GPC5: variants seen among roughly 807,000 people sequenced by gnomAD.
GPC5 encodes the protein glypican 5.
Under a neutral mutation model 53.9 loss-of-function variants are expected in GPC5, and 47 were observed. The ratio of observed to expected loss-of-function variants is 0.87; its 90% CI spans 0.69 to 1.11. GPC5 has a LOEUF of 1.11. GPC5 is among the 50% of genes most tolerant of loss of function. The pLI, the probability that GPC5 is intolerant of heterozygous loss-of-function variation, is 0.00. For synonymous variants in GPC5, 286 were observed against 263.3 expected, an observed-to-expected ratio of 1.09 and a Z score of -0.84; for missense variants, 748 against 713.1, an observed-to-expected ratio of 1.05 and a Z score of -0.56.
intron 7 of GPC5, among the ~76,000 whole-genome samples, chr13:92,443,258 G>A (rs937028948): frequency 1.3e-5 from 2 of 152,178 alleles, no homozygotes; most frequent in Non-Finnish European, 2.9e-5. Context: ...ATGGCACAAA[G>A]CCATCCATGA....
intron 5 of GPC5, among the ~76,000 whole-genome samples, chr13:91,846,913 A>G (rs1039816919): frequency 2.0e-5 from 3 of 152,040 alleles, no homozygotes; most frequent in African/African-American, 2.4e-5. Context: ...ATGTATTATA[A>G]TTTTGTGCAA....
intron 6 of GPC5, among the ~76,000 whole-genome samples, chr13:92,018,038 G>A (rs2040723533): frequency 6.6e-6 from 1 of 151,730 alleles, no homozygotes; most frequent in Non-Finnish European, 1.5e-5. Flanking sequence ...ACACACACAA[G>A]CTTCCACAAA....
At chr13:92,708,635 T>C (rs1002449833) in intron 7 of GPC5, among the ~76,000 whole-genome samples, 5 of 152,034 alleles carry the variant, frequency 3.3e-5, no homozygotes, top group Admixed American at 3.3e-4. Flanking sequence ...GAGTGAAAGT[T>C]TGATAGTAGG....
chr13:92,522,624 G>A (rs1346940875), intron 7 of GPC5, among the ~76,000 whole-genome samples: 1 of 152,068 alleles, frequency 6.6e-6, no homozygotes, highest in Non-Finnish European at 1.5e-5. Context: ...GTTGTGGGGT[G>A]GGGGAAGGGG....
At chr13:92,081,665 A>G (rs1300425361) in intron 6 of GPC5, among the ~76,000 whole-genome samples, 1 of 152,216 alleles carries the variant, frequency 6.6e-6, no homozygotes, top group Admixed American at 6.5e-5. Context: ...TTATATCCCT[A>G]CACAGAATAT....
chr13:91,572,108 C>CATATGTATATAT, intron 2 of GPC5, among the ~76,000 whole-genome samples: 2 of 124,500 alleles, frequency 1.6e-5, no homozygotes, highest in African/African-American at 6.1e-5. Context: ...TGTATATACA[C>CATATGTATATAT]ACATGTATAT....
chr13:91,619,027 C>A (rs761429556), intron 2 of GPC5, among the ~76,000 whole-genome samples: 12 of 152,016 alleles, frequency 7.9e-5, no homozygotes, highest in Non-Finnish European at 1.6e-4. Flanking sequence ...ATTTGGCATT[C>A]TTTTCCTAGT....
intron 6 of GPC5, among the ~76,000 whole-genome samples, chr13:92,096,196 T>C (rs1482130829): frequency 1.3e-5 from 2 of 152,196 alleles, no homozygotes; most frequent in East Asian, 3.9e-4. Context: ...CTGAGATATA[T>C]AGTTTTTATT....
chr13:92,379,130 G>C (rs1297207416), intron 7 of GPC5, among the ~76,000 whole-genome samples: 1 of 152,152 alleles, frequency 6.6e-6, no homozygotes, highest in Non-Finnish European at 1.5e-5. Flanking sequence ...GTGGGGCTCA[G>C]ACATAACTCA....
intron 6 of GPC5, among the ~76,000 whole-genome samples, chr13:92,003,068 T>A (rs1426738759): frequency 3.9e-5 from 6 of 152,116 alleles, no homozygotes; most frequent in Admixed American, 2.0e-4. Context: ...CCCAGCACTT[T>A]GGGAGGCCAA....
chr13:91,513,354 T>TTGTGTGTG (rs139449591), intron 2 of GPC5, among the ~76,000 whole-genome samples: 79 of 149,570 alleles, frequency 5.3e-4, no homozygotes, highest in African/African-American at 1.5e-3. Flanking sequence ...TTGTTTTCAT[T>TTGTGTGTG]TGTGTGTGTG....
intron 7 of GPC5, among the ~76,000 whole-genome samples, chr13:92,282,397 C>A (rs543891566): frequency 6.6e-6 from 1 of 151,972 alleles, no homozygotes; most frequent in Non-Finnish European, 1.5e-5. Flanking sequence ...ATACGGAGAA[C>A]GCCACAAAGA....
At chr13:92,148,282 T>G (rs1377915077) in intron 7 of GPC5, among the ~76,000 whole-genome samples, 1 of 152,042 alleles carries the variant, frequency 6.6e-6, no homozygotes, top group East Asian at 1.9e-4. Flanking sequence ...TTGAACTGAT[T>G]TTCTGTGTCT....
At chr13:91,427,263 TG>T (rs1392332454) in intron 1 of GPC5, among the ~76,000 whole-genome samples, 1 of 152,276 alleles carries the variant, frequency 6.6e-6, no homozygotes, top group East Asian at 1.9e-4. Context: ...ACCATGAGCC[TG>T]GAGAAGTCAC....
Position 92,163,857 on chromosome 13 carries a change from A to T in GPC5, c.1561+18868A>T, listed in dbSNP as rs182627030. 1.6e-3 allele frequency among the ~76,000 whole-genome samples: 242 copies of T among 152,328 alleles called. 1 individual carries two copies. The highest frequency in any genetic ancestry group is 5.4e-3 in the African/African-American group (224 of 41,568). ...AGACTGGGTAATTTATAAAGAAAAG[A>T]GGTTTAATTGACTCACAGTTCCACA... On this transcript the variant is annotated intron_variant, in intron 7 of 7. Transcript: ENST00000377067.
At chr13:92,262,585 T>A (rs766518684) in intron 7 of GPC5, among the ~76,000 whole-genome samples, 1 of 152,182 alleles carries the variant, frequency 6.6e-6, no homozygotes, top group Admixed American at 6.5e-5. Context: ...ATACTTAATG[T>A]GTTCATTTGA....
chr13:91,786,855 G>T (rs2037887272), intron 5 of GPC5, among the ~76,000 whole-genome samples: 1 of 151,570 alleles, frequency 6.6e-6, no homozygotes, highest in Admixed American at 6.6e-5. Context: ...ATTTATTTGG[G>T]CTCTTCATCA....
At chr13:91,416,217 C>A (rs1321675426) in intron 1 of GPC5, among the ~76,000 whole-genome samples, 1 of 152,032 alleles carries the variant, frequency 6.6e-6, no homozygotes, top group African/African-American at 2.4e-5. Flanking sequence ...TTTATGAGTC[C>A]TTCAGATGCC....
At chr13:92,023,745 A>G (rs1188652118) in intron 6 of GPC5, among the ~76,000 whole-genome samples, 4 of 152,020 alleles carry the variant, frequency 2.6e-5, no homozygotes, top group African/African-American at 9.6e-5. Context: ...TTATCAATAG[A>G]AATATATTTT....
Sources: allele counts gnomAD v4.1 joint callset (sites outside exome capture counted in the v4.1 genomes callset), GRCh38; gene constraint gnomAD v4.1.1; transcripts MANE v1.5; gene names NCBI Gene and HGNC (gene_info 2026-07-23, HGNC 2026-07-21).